ALMS1: variants seen among roughly 807,000 people sequenced by gnomAD.
The protein encoded by ALMS1 is centrosome-associated protein ALMS1.
Under a neutral mutation model 352.2 loss-of-function variants are expected in ALMS1, and 271 were observed. That is an observed-to-expected ratio of 0.77 (90% CI 0.70 to 0.85). ALMS1 has a LOEUF of 0.85. Ranked by LOEUF, ALMS1 falls within the 40% of genes least tolerant of loss-of-function variation. ALMS1 has a pLI of 0.00. For missense variants in ALMS1, 5,445 were observed against 4,870.7 expected (o/e 1.12, Z -3.51); for synonymous variants, 1,865 against 1,761.2 (o/e 1.06, Z -1.48).
chr2:73,582,185 A>T, intron 16 of ALMS1, among the ~76,000 whole-genome samples: 1 of 152,206 alleles, frequency 6.6e-6, no homozygotes, highest in Non-Finnish European at 1.5e-5. Flanking sequence ...ATCTGAATTT[A>T]ACTTTTTTCC....
Position 73,396,935 on chromosome 2 carries a change from C to T in ALMS1, c.324+10743C>T, listed in dbSNP as rs566532843. On this transcript the variant is annotated intron_variant, in intron 1 of 22. Coordinates refer to ENST00000613296, the MANE Select transcript of ALMS1 (RefSeq NM_001378454.1). ...CTAGGATTACAGGCTTGAGCTACCGCGCCCAGCCTGGTTAGGCTCTGGTAA... is the reference window on the plus strand; with the variant it reads ...CTAGGATTACAGGCTTGAGCTACCGTGCCCAGCCTGGTTAGGCTCTGGTAA... Among the ~76,000 whole-genome samples, 7 of 152,236 alleles carry T rather than the reference C, an allele frequency of 4.6e-5. No individual in the cohort carries two copies. In the South Asian group the frequency reaches 1.2e-3, roughly 27 times the overall value.
intron 9 of ALMS1, among the ~76,000 whole-genome samples, chr2:73,488,562 A>G (rs950549588): frequency 6.6e-6 from 1 of 152,098 alleles, no homozygotes; most frequent in Non-Finnish European, 1.5e-5. Flanking sequence ...CCAACTCAGA[A>G]GGGAGTGGGG....
intron 11 of ALMS1, among the ~76,000 whole-genome samples, chr2:73,527,244 CTTT>C (rs566724853): frequency 7.1e-6 from 1 of 140,282 alleles, no homozygotes. Flanking sequence ...TCTTTTTTCT[CTTT>C]TTTTTTTTTG....
chr2:73,444,281 G>A, intron 7 of ALMS1, among the ~76,000 whole-genome samples: 1 of 152,098 alleles, frequency 6.6e-6, no homozygotes, highest in East Asian at 1.9e-4. Context: ...TCTTTGAGTA[G>A]GGGTGCACCT....
At chr2:73,537,093 G>C (rs993612074) in intron 12 of ALMS1, among the ~76,000 whole-genome samples, 1 of 152,148 alleles carries the variant, frequency 6.6e-6, no homozygotes, top group African/African-American at 2.4e-5. Flanking sequence ...ATCTTTACTT[G>C]ACCTGACTGG....
chr2:73,456,658 T>G (rs1672073363), intron 9 of ALMS1: 1 of 152,204 alleles, frequency 6.6e-6, no homozygotes, highest in Admixed American at 6.5e-5. Context: ...TTATTTGGAT[T>G]ATCTCAATTT....
chr2:73,401,386 T>C (rs1400884253), intron 1 of ALMS1, among the ~76,000 whole-genome samples: 3 of 152,238 alleles, frequency 2.0e-5, no homozygotes, highest in Non-Finnish European at 4.4e-5. Context: ...CAGTAAGCAC[T>C]ACTTTTGCTG....
rs939503591 is a variant in ALMS1, at chr2:73,533,663, C to T, written c.9782-1161C>T. 8.1e-4 allele frequency among the ~76,000 whole-genome samples: 123 copies of T among 151,946 alleles called. 1 individual carries two copies. The highest frequency in any genetic ancestry group is 1.2e-3 in the African/African-American group (48 of 41,444). ...TGTAAGGAGGTAGGGAAGTTGGACACGAGGTCATATTTGACAGTTTCTACC... is the reference window on the plus strand; with the variant it reads ...TGTAAGGAGGTAGGGAAGTTGGACATGAGGTCATATTTGACAGTTTCTACC... On this transcript the variant is annotated intron_variant, in intron 11 of 22. Coordinates refer to ENST00000613296, the MANE Select transcript of ALMS1 (RefSeq NM_001378454.1).
At chr2:73,484,299 T>C (rs1011707367) in intron 9 of ALMS1, among the ~76,000 whole-genome samples, 1 of 151,646 alleles carries the variant, frequency 6.6e-6, no homozygotes, top group African/African-American at 2.4e-5. Flanking sequence ...CATTTGCTTG[T>C]CTGTAAAGGA....
Position 73,449,523 on chromosome 2 carries a change from CTTCAGGTTCCT to C in ALMS1, c.2998_3008del (p.Ser1000LeufsTer3). 6.2e-7 allele frequency: 1 copy of C among 1,614,062 alleles called. No individual in the cohort carries two copies. The highest frequency in any genetic ancestry group is 8.5e-7 in the Non-Finnish European group (1 of 1,179,992). ...AAGACTGTCCCAACACCAACAGTAC[CTTCAGGTTCCT>C]TCTCACATAGAGAGAAGCCCAGTAT... On this transcript the variant is annotated frameshift_variant, in exon 8 of 23. Transcript: ENST00000613296. LOFTEE classifies it high-confidence loss of function.
rs777970870 is a variant in ALMS1 at position 73,450,088 on chromosome 2, A to G, written c.3561A>G (p.Val1187=). The G allele has an allele frequency of 1.3e-5, 21 of 1,614,052 alleles. 1 individual carries two copies. Among genetic ancestry groups the G allele is most frequent in the Middle Eastern group, 1.6e-4 (1 of 6,062 alleles). ...PGNQKTWIPR[V]LSTFYSQREK... ...ACCAGAAGACTTGGATACCAAGAGT[A>G]CTTTCTACCTTCTACTCACAAAGAG... Residue 1187 remains valine, a synonymous_variant, in exon 8 of 23, where the codon GTA becomes GTG. Coordinates refer to ENST00000613296, the MANE Select transcript of ALMS1 (RefSeq NM_001378454.1).
At chr2:73,565,822 CT>C (rs1674790694) in intron 15 of ALMS1, among the ~76,000 whole-genome samples, 1 of 152,132 alleles carries the variant, frequency 6.6e-6, no homozygotes, top group Non-Finnish European at 1.5e-5. Context: ...GACATTTATA[CT>C]TGACCAGTAC....
At chr2:73,394,813 A>C (rs967284452) in intron 1 of ALMS1, among the ~76,000 whole-genome samples, 4 of 152,020 alleles carry the variant, frequency 2.6e-5, no homozygotes, top group African/African-American at 9.7e-5. Context: ...CTACACACCT[A>C]GGCTATATAG....
chr2:73,523,467 A>G (rs1037737467), intron 11 of ALMS1, among the ~76,000 whole-genome samples: 1 of 152,050 alleles, frequency 6.6e-6, no homozygotes. Flanking sequence ...TCTAAGTAAT[A>G]TAAAGATTAT....
In ALMS1 at chr2:73,464,625, G is replaced by C. The variant is rs866427543; in HGVS notation, c.7674+9330G>C. 1.4e-3 allele frequency among the ~76,000 whole-genome samples: 207 copies of C among 152,142 alleles called. 1 individual carries two copies. Among genetic ancestry groups the C allele is most frequent in the African/African-American group, 4.5e-3 (187 of 41,512 alleles). ...GTTAGGCAGGAGAAGGAAATAAAGG[G>C]TATTCAATTAGGAAAAGAGGAACTC... On this transcript the variant is annotated intron_variant, in intron 9 of 22. Transcript: ENST00000613296.
In ALMS1 at chr2:73,448,234, A is replaced by T; in HGVS notation, c.1707A>T (p.Thr569=). The T allele has an allele frequency of 6.2e-7, 1 of 1,614,068 alleles. No individual in the cohort carries two copies. The highest frequency in any genetic ancestry group is 1.3e-5 in the African/African-American group (1 of 75,044). The change falls in exon 8 of 23, where the codon ACA becomes ACT. Residue 569 remains threonine (T), a synonymous_variant. Transcript: ENST00000613296. Reference sequence around the variant, plus strand: ...CTGACCAGAAGACTGCAACACCAACAGTACTCTCTAGTTCCCACTCACATA... The same window carrying T: ...CTGACCAGAAGACTGCAACACCAACTGTACTCTCTAGTTCCCACTCACATA... The part of the protein sequence containing the change: ...EPADQKTATP[T]VLSSSHSHRG...
chr2:73,450,271 C>G lies in ALMS1; in HGVS notation c.3744C>G (p.Phe1248Leu), dbSNP rs1451272115. Residue 1248 changes from phenylalanine to leucine, a missense_variant, in exon 8 of 23, where the codon TTC becomes TTG. Transcript: ENST00000613296. ...SYSHTEKPGIFYQQVLPDNHP... is the reference protein window; with the variant it reads ...SYSHTEKPGILYQQVLPDNHP... The stretch of plus-strand genomic sequence containing the variant: ...CACACACAGAGAAGCCTGGTATTTT[C>G]TACCAACAGGTCTTGCCAGATAATC... The G allele has an allele frequency of 1.9e-6, 3 of 1,614,030 alleles. No homozygotes were observed. The highest frequency in any genetic ancestry group is 2.5e-6 in the Non-Finnish European group (3 of 1,179,962).
intron 1 of ALMS1, among the ~76,000 whole-genome samples, chr2:73,389,714 A>C (rs2103627070): frequency 6.6e-6 from 1 of 151,910 alleles, no homozygotes; most frequent in South Asian, 2.1e-4. Context: ...CGCCGAGATG[A>C]AGTCTTGCTC....
intron 13 of ALMS1, among the ~76,000 whole-genome samples, chr2:73,552,127 A>T (rs1394148225): frequency 6.6e-6 from 1 of 152,186 alleles, no homozygotes; most frequent in Non-Finnish European, 1.5e-5. Flanking sequence ...ATATGTATAC[A>T]TGTGCCATGC....
Sources: gnomAD v4.1 joint callset for allele counts (sites outside exome capture counted in the v4.1 genomes callset) on GRCh38, gnomAD v4.1.1 for gene constraint, MANE v1.5 for transcripts, NCBI Gene and HGNC (gene_info 2026-07-23, HGNC 2026-07-21) for gene names.